The following SRRM4 variants were observed in gnomAD, a reference collection of about 807,000 sequenced individuals.
SRRM4 encodes serine/arginine repetitive matrix protein 4.
In SRRM4, 33 loss-of-function variants were observed where a neutral mutation model predicts 68.9. That is an observed-to-expected ratio of 0.48 (90% confidence interval 0.36 to 0.64). SRRM4 has a LOEUF of 0.64. Ranked by LOEUF, SRRM4 falls within the 30% of genes least tolerant of loss-of-function variation. SRRM4 has a pLI of 0.00. For missense variants in SRRM4, 817 were observed against 827.1 expected (o/e 0.99, Z 0.15); for synonymous variants, 318 against 318.8 (o/e 1.00, Z 0.03).
intron 1 of SRRM4, among the ~76,000 whole-genome samples, chr12:119,066,957 G>A (rs1340429479): frequency 6.6e-6 from 1 of 152,124 alleles, no homozygotes; most frequent in African/African-American, 2.4e-5. Flanking sequence ...CCAAAGAGTG[G>A]ACCTCAGTAT....
At chr12:119,152,493 T>G (rs1023154975) in intron 10 of SRRM4, among the ~76,000 whole-genome samples, 7 of 152,132 alleles carry the variant, frequency 4.6e-5, no homozygotes, top group African/African-American at 1.7e-4. Context: ...CTCCCTCATT[T>G]ACTACATTAT....
At chr12:119,095,586 C>T (rs945782112) in intron 1 of SRRM4, among the ~76,000 whole-genome samples, 15 of 152,050 alleles carry the variant, frequency 9.9e-5, no homozygotes, top group African/African-American at 3.4e-4. Flanking sequence ...ACAGAAGGAG[C>T]TATTTGTGGA....
chr12:119,068,416 C>A (rs565956253), intron 1 of SRRM4, among the ~76,000 whole-genome samples: 1 of 152,344 alleles, frequency 6.6e-6, no homozygotes, highest in East Asian at 1.9e-4. Flanking sequence ...TTCGTGCAGA[C>A]TGCTTCTGCC....
At chr12:119,078,662 G>A (rs4767767) in intron 1 of SRRM4, among the ~76,000 whole-genome samples, 86,941 of 152,092 alleles carry the variant, frequency 0.57, 25,853 homozygotes, top group Middle Eastern at 0.76. Context: ...GCTGATGCCT[G>A]TAATCCCAGC....
chr12:119,144,649 A>G (rs1317859727), intron 8 of SRRM4: 1 of 152,202 alleles, frequency 6.6e-6, no homozygotes, highest in Non-Finnish European at 1.5e-5. Flanking sequence ...GACACACACA[A>G]ATATCTATAG....
At chr12:118,990,521 T>C (rs531253501) in intron 1 of SRRM4, among the ~76,000 whole-genome samples, 20 of 152,314 alleles carry the variant, frequency 1.3e-4, no homozygotes, top group African/African-American at 4.6e-4. Flanking sequence ...GTCTGTCTGA[T>C]TGCTAGTATA....
In SRRM4 at chr12:119,045,046, G is replaced by GA. The variant is rs142940332; in HGVS notation, c.132-57188dup. On this transcript the variant is annotated intron_variant, in intron 1 of 12. Transcript: ENST00000267260. Reference sequence around the variant, plus strand: ...GAGAATCAATTAATACAAGTACTTAGAACAGGGTCTGACCCGTAGAAGGTG... The same window carrying GA: ...GAGAATCAATTAATACAAGTACTTAGAAACAGGGTCTGACCCGTAGAAGGTG... 6.9e-4 allele frequency among the ~76,000 whole-genome samples: 105 copies of GA among 152,292 alleles called. No homozygotes were observed. The East Asian group carries it at 0.017, about 25-fold the overall frequency.
At chr12:119,025,048 T>C (rs958830162) in intron 1 of SRRM4, among the ~76,000 whole-genome samples, 17 of 152,006 alleles carry the variant, frequency 1.1e-4, no homozygotes, top group South Asian at 2.1e-4. Flanking sequence ...GATGGGTGCT[T>C]TGATGGAGGT....
chr12:119,049,903 A>C (rs1047158906), intron 1 of SRRM4, among the ~76,000 whole-genome samples: 1 of 152,184 alleles, frequency 6.6e-6, no homozygotes, highest in Admixed American at 6.5e-5. Flanking sequence ...TTACCGTTTA[A>C]AAGGTCCCAT....
chr12:119,070,516 C>G (rs992504695), intron 1 of SRRM4, among the ~76,000 whole-genome samples: 2 of 152,108 alleles, frequency 1.3e-5, no homozygotes, highest in African/African-American at 4.8e-5. Flanking sequence ...CTCCAAATTA[C>G]CACCCCCTGC....
chr12:119,125,347 T>G, intron 6 of SRRM4, 34 bp from the exon 7 acceptor site: 1 of 1,579,248 alleles, frequency 6.3e-7, no homozygotes, highest in East Asian at 2.3e-5. Context: ...CTCTCTCTCC[T>G]CTCCTCTGAC....
At chr12:119,090,215 ACCATCATTTTGCATT>A in intron 1 of SRRM4, among the ~76,000 whole-genome samples, 1 of 152,106 alleles carries the variant, frequency 6.6e-6, no homozygotes. Context: ...TAAATACTTA[ACCATCATTTTGCATT>A]TAGTATTAAT....
intron 1 of SRRM4, among the ~76,000 whole-genome samples, chr12:119,012,255 C>T (rs1485450678): frequency 2.0e-5 from 3 of 152,198 alleles, no homozygotes; most frequent in African/African-American, 7.2e-5. Flanking sequence ...GGGCCACTTC[C>T]TTAAGATAGA....
chr12:119,040,492 T>C (rs774554577), intron 1 of SRRM4, among the ~76,000 whole-genome samples: 1 of 152,242 alleles, frequency 6.6e-6, no homozygotes, highest in African/African-American at 2.4e-5. Flanking sequence ...AATGATAGTC[T>C]CCAGTCTCAT....
At chr12:119,151,271 T>C (rs1383523896) in intron 10 of SRRM4, 51 bp downstream of exon 10, 3 of 1,520,612 alleles carry the variant, frequency 2.0e-6, no homozygotes, top group Non-Finnish European at 2.7e-6. Context: ...CTTAGGAAAT[T>C]AGTTAATTGC....
chr12:119,018,639 G>C (rs1953496271), intron 1 of SRRM4, among the ~76,000 whole-genome samples: 1 of 152,132 alleles, frequency 6.6e-6, no homozygotes, highest in African/African-American at 2.4e-5. Context: ...GAGAGAGGTA[G>C]AGAGAAAAGC....
At chr12:119,146,935 C>CA (rs200936618) in intron 9 of SRRM4, among the ~76,000 whole-genome samples, 3,793 of 136,044 alleles carry the variant, frequency 0.028, 152 homozygotes, top group African/African-American at 0.093. Context: ...GACTCCATCT[C>CA]AAAAAAAAAA....
In SRRM4 at chr12:119,153,536, C is replaced by T. The variant is rs745928672; in HGVS notation, c.1281-3C>T. 3.2e-6 allele frequency: 5 copies of T among 1,560,334 alleles called. No individual in the cohort carries two copies. The highest frequency in any genetic ancestry group is 4.3e-6 in the Non-Finnish European group (5 of 1,151,738). On this transcript the variant is annotated splice_region_variant and splice_polypyrimidine_tract_variant and intron_variant, in intron 10 of 12. Coordinates refer to ENST00000267260, the MANE Select transcript of SRRM4 (RefSeq NM_194286.4). Reference sequence around the variant, plus strand: ...TCCTCAGAGGCTGTTACCTCTCCCCCAGGTCCTACTCCCGCTCTCCCAGCT... The same window carrying T: ...TCCTCAGAGGCTGTTACCTCTCCCCTAGGTCCTACTCCCGCTCTCCCAGCT...
chr12:119,144,822 CT>C (rs1592915948), intron 8 of SRRM4, among the ~76,000 whole-genome samples: 2 of 151,818 alleles, frequency 1.3e-5, no homozygotes, highest in African/African-American at 4.8e-5. Context: ...TATTTCATTT[CT>C]TTTCCCCATG....
Sources: gnomAD v4.1 joint callset for allele counts (sites outside exome capture counted in the v4.1 genomes callset) on GRCh38, gnomAD v4.1.1 for gene constraint, MANE v1.5 for transcripts, NCBI Gene and HGNC (gene_info 2026-07-23, HGNC 2026-07-21) for gene names.